ATG16L2: variants seen among roughly 807,000 people sequenced by gnomAD.
ATG16L2 encodes autophagy related 16 like 2, also known as protein Atg16l2.
In ATG16L2, 77 loss-of-function variants were observed where a neutral mutation model predicts 84.7. The ratio of observed to expected loss-of-function variants is 0.91; its 90% CI spans 0.76 to 1.10. ATG16L2 has a LOEUF of 1.10. ATG16L2 is among the 50% of genes least tolerant of loss of function. The probability of loss-of-function intolerance (pLI) is 0.00; values close to 1 mark genes in which losing one functional copy is unlikely to be tolerated. For missense variants in ATG16L2, 782 were observed against 817.6 expected (o/e 0.96, Z 0.53); for synonymous variants, 361 against 342.8 (o/e 1.05, Z -0.59).
chr11:72,822,663 C>A lies in ATG16L2; in HGVS notation c.710+120C>A. 1 of 1,377,848 alleles carries A rather than the reference C, an allele frequency of 7.3e-7. No homozygotes were observed. Among genetic ancestry groups the A allele is most frequent in the South Asian group, 1.3e-5 (1 of 76,948 alleles). 85.4% of individuals were successfully genotyped at this position (1,377,848 alleles called of 1,614,324 possible). On this transcript the variant is annotated intron_variant, in intron 6 of 17. Coordinates refer to ENST00000321297, the MANE Select transcript of ATG16L2 (RefSeq NM_033388.2). The surrounding 1 kb of genome is among the most constrained non-coding windows in gnomAD (Gnocchi z 4.2). ...CCCCGTCCTGAGGCCCCCATGTGGT[C>A]GGAGCCCACGAGACACCTGCAGAGG...
At chr11:72,826,309 G>C in intron 11 of ATG16L2, 66 bp downstream of exon 11, 1 of 1,560,906 alleles carries the variant, frequency 6.4e-7, no homozygotes, top group South Asian at 1.1e-5. Flanking sequence ...GGCAGGTGGG[G>C]GCTGTGGGAC....
At chr11:72,824,906 C>CCCGGCACCAGGGG in intron 9 of ATG16L2, 64 bp downstream of exon 9, 1 of 1,396,856 alleles carries the variant, frequency 7.2e-7, no homozygotes, top group African/African-American at 1.5e-5. Flanking sequence ...CAGGGGTGGT[C>CCCGGCACCAGGGG]TCGGCACCAG....
chr11:72,839,343 A>G (rs931253928), intron 5 of ATG16L2, among the ~76,000 whole-genome samples: 39 of 152,344 alleles, frequency 2.6e-4, no homozygotes, highest in African/African-American at 9.1e-4. Flanking sequence ...TTCTGTAGGC[A>G]AAAGAGGAGT....
chr11:72,827,023 T>C (rs1860404185), intron 13 of ATG16L2, 165 bp from the exon 14 acceptor site: 1 of 852,166 alleles, frequency 1.2e-6, no homozygotes, highest in East Asian at 2.7e-5. Context: ...CCTCAGGCTG[T>C]GGGTAGGAAA....
At chr11:72,841,723 C>A in intron 5 of ATG16L2, 1 of 852,986 alleles carries the variant, frequency 1.2e-6, no homozygotes, top group Non-Finnish European at 1.7e-6. Flanking sequence ...TTAGAGGCAA[C>A]TGAGCATTAA....
Position 72,814,466 on chromosome 11 carries a change from CG to C in ATG16L2, c.23del (p.Gly8ValfsTer37). On this transcript the variant is annotated frameshift_variant, in exon 1 of 18. Coordinates refer to ENST00000321297, the MANE Select transcript of ATG16L2 (RefSeq NM_033388.2). LOFTEE classifies it high-confidence loss of function. ...CGGCCATGGCGGGGCCGGGCGTCCC[CG>C]GTGCCCCCGCAGCGCGCTGGAAACG... MAGPGVP[G>X]APAARWKRHI... 2 of 1,512,996 alleles carry C rather than the reference CG, an allele frequency of 1.3e-6. No homozygotes were observed. The highest frequency in any genetic ancestry group is 1.2e-5 in the South Asian group (1 of 81,226). The allele number at this position is 1,512,996 out of a possible 1,614,324, so 93.7% of individuals were successfully genotyped here.
intron 15 of ATG16L2, 59 bp downstream of exon 15, chr11:72,828,567 C>T: frequency 6.2e-7 from 1 of 1,609,616 alleles, no homozygotes; most frequent in Non-Finnish European, 8.5e-7. Flanking sequence ...AGCCTCTCTT[C>T]TCCTGTAATA....
chr11:72,832,750 A>C (rs757537164), downstream of ATG16L2, among the ~76,000 whole-genome samples: 6 of 152,198 alleles, frequency 3.9e-5, no homozygotes, highest in Admixed American at 6.5e-5. Flanking sequence ...CAGAGCTGGG[A>C]TAAGAACCCA....
At position 72,817,766 on chromosome 11, in the gene ATG16L2, G is replaced by A. The variant is rs759537329; in HGVS notation, c.229G>A (p.Glu77Lys). ...CTGATTGGTTGGCAGGGAGGAGTCA[G>A]AGCTTGACTCAGACCAAGTCCCATC... is the stretch of plus-strand genomic sequence containing the variant. Reference protein sequence around the residue: ...TTHQGPWEESELDSDQVPSLV... With the variant: ...TTHQGPWEESKLDSDQVPSLV... The change falls in exon 3 of 18, where the codon GAG becomes AAG. Residue 77 changes from glutamate (E) to lysine (K), a missense_variant. Transcript: ENST00000321297. The A allele has an allele frequency of 1.9e-6, 3 of 1,613,766 alleles. No individual in the cohort carries two copies. Among genetic ancestry groups the A allele is most frequent in the Non-Finnish European group, 1.7e-6 (2 of 1,180,008 alleles).
chr11:72,837,212 A>G (rs986736423), intron 5 of ATG16L2: 19 of 152,508 alleles, frequency 1.2e-4, no homozygotes, highest in African/African-American at 4.6e-4. Flanking sequence ...AAATAGATCA[A>G]CAGGTTAAGA....
At chr11:72,832,006 C>CT (rs1405618773), downstream of ATG16L2, among the ~76,000 whole-genome samples, 1 of 152,208 alleles carries the variant, frequency 6.6e-6, no homozygotes, top group East Asian at 1.9e-4. Context: ...AGCCTTGTGT[C>CT]TAACCTGACT....
At chr11:72,824,637 G>A in intron 8 of ATG16L2, 97 bp from the exon 9 acceptor site, 1 of 891,034 alleles carries the variant, frequency 1.1e-6, no homozygotes, top group South Asian at 1.3e-5. Flanking sequence ...CGCCTGCCAT[G>A]TCTGCTTCCT....
Position 72,826,583 on chromosome 11 carries a change from G to T in ATG16L2, c.1239G>T (p.Gln413His). 6.2e-7 allele frequency: 1 copy of T among 1,614,178 alleles called. No homozygotes were observed. ...AAQLWKVGEA[Q>H]SKETLSGHKD... ...AGCTCTGGAAGGTGGGGGAGGCACAGTCCAAGGTGAGGCCTGACTGGGGAG... is the reference window on the plus strand; with the variant it reads ...AGCTCTGGAAGGTGGGGGAGGCACATTCCAAGGTGAGGCCTGACTGGGGAG... Residue 413 changes from glutamine to histidine, a missense_variant, in exon 12 of 18, where the codon CAG becomes CAT. Gln to His is a conservative substitution (Grantham distance 24). Coordinates refer to ENST00000321297, the MANE Select transcript of ATG16L2 (RefSeq NM_033388.2).
In ATG16L2 at chr11:72,823,292, T is replaced by C. The variant is rs568829417; in HGVS notation, c.824+331T>C. ...AGAGCCCAGTCATGCCAGGCATGTG[T>C]GCGCAGCCATAGGTGTGCAAGCATG... On this transcript the variant is annotated intron_variant, in intron 7 of 17. Transcript: ENST00000321297. 2.4e-3 allele frequency: 803 copies of C among 339,622 alleles called. 18 individuals are homozygous for C. Among genetic ancestry groups the C allele is most frequent in the South Asian group, 0.022 (787 of 35,736 alleles). The allele number at this position is 339,622 out of a possible 1,614,324, so 21.0% of individuals were successfully genotyped here. A position where few individuals can be genotyped will look rare whatever the true frequency, so the allele number is the denominator to read the frequency against.
chr11:72,843,036 C>G, exon 6 of ATG16L2: 1 of 1,052,286 alleles, frequency 9.5e-7, no homozygotes, highest in East Asian at 2.6e-5. Flanking sequence ...TAAAGAAAAG[C>G]ATATTATAGG....
chr11:72,831,671 T>G (rs1157955117), downstream of ATG16L2, among the ~76,000 whole-genome samples: 1 of 152,150 alleles, frequency 6.6e-6, no homozygotes, highest in Non-Finnish European at 1.5e-5. Context: ...CTGAGGCCAT[T>G]CCCGTTTCCA....
exon 6 of ATG16L2, chr11:72,843,078 G>A: frequency 6.9e-7 from 1 of 1,439,700 alleles, no homozygotes; most frequent in Non-Finnish European, 9.7e-7. Context: ...TTATCCTACT[G>A]AAGGCTTACT....
intron 3 of ATG16L2, chr11:72,819,105 A>C (rs1441048646): frequency 1.3e-5 from 2 of 152,112 alleles, no homozygotes; most frequent in Non-Finnish European, 2.9e-5. Context: ...AGTCCATTCC[A>C]TACTAATGAC....
chr11:72,826,955 G>A, intron 13 of ATG16L2, 132 bp downstream of exon 13: 3 of 1,104,242 alleles, frequency 2.7e-6, no homozygotes, highest in Non-Finnish European at 2.6e-6. Context: ...ACCTCTCAAG[G>A]CCCTCCAATT....
Sources: gnomAD v4.1 joint callset for allele counts (sites outside exome capture counted in the v4.1 genomes callset) on GRCh38, gnomAD v4.1.1 for gene constraint, Gnocchi (gnomAD v3.1) non-coding constraint, MANE v1.5 for transcripts, NCBI Gene and HGNC (gene_info 2026-07-23, HGNC 2026-07-21) for gene names.